The following PAAF1 variants were observed in gnomAD, a reference collection of about 807,000 sequenced individuals.
The protein encoded by PAAF1 is proteasomal ATPase-associated factor 1.
In PAAF1, 46 loss-of-function variants were observed where a neutral mutation model predicts 52.8. The observed-to-expected ratio is 0.87, with a 90% CI of 0.69 to 1.11. The LOEUF (loss-of-function observed/expected upper bound fraction) is 1.11, where lower values mean the gene tolerates loss of function less well. Among genes scored for constraint, PAAF1 ranks in the 50% most tolerant of loss-of-function variants. The pLI is 0.00. For synonymous variants in PAAF1, 178 were observed against 172.8 expected (o/e 1.03, Z -0.24); for missense variants, 424 against 477.4 (o/e 0.89, Z 1.04).
At chr11:73,889,412 A>G (rs1478923641) in intron 3 of PAAF1, among the ~76,000 whole-genome samples, 1 of 152,212 alleles carries the variant, frequency 6.6e-6, no homozygotes, top group East Asian at 1.9e-4. Flanking sequence ...TTAGTGCAGC[A>G]TACTCACACT....
intron 4 of PAAF1, among the ~76,000 whole-genome samples, chr11:73,898,811 TCAAACAAA>T (rs202208997): frequency 3.3e-5 from 5 of 151,856 alleles, no homozygotes; most frequent in Admixed American, 1.3e-4. Flanking sequence ...TGAAACTCTG[TCAAACAAA>T]CAAACAAACA....
At chr11:73,898,188 C>T (rs866805881) in intron 4 of PAAF1, among the ~76,000 whole-genome samples, 1 of 51,402 alleles carries the variant, frequency 1.9e-5, no homozygotes, top group Non-Finnish European at 3.6e-5. Context: ...AGAGGGAGAC[C>T]GTGGGGAGAG....
At chr11:73,912,031 CTT>C (rs373139313) in intron 7 of PAAF1, among the ~76,000 whole-genome samples, 2 of 149,938 alleles carry the variant, frequency 1.3e-5, no homozygotes, top group African/African-American at 2.5e-5. Context: ...CCTCAAAAAA[CTT>C]TTTTTTTTCA....
chr11:73,922,944 A>G (rs530899439), intron 10 of PAAF1, among the ~76,000 whole-genome samples: 1 of 152,342 alleles, frequency 6.6e-6, no homozygotes, highest in Non-Finnish European at 1.5e-5. Context: ...TTTTGATGCA[A>G]ATTGCCAAAC....
rs1950143892 is a variant in PAAF1 at position 73,919,041 on chromosome 11, A to G, written c.1018+9A>G. On this transcript the variant is annotated intron_variant, in intron 10 of 11. Transcript: ENST00000310571. ...ATTCATTGCTAGCCAAGGTGGGTCC[A>G]TGGGCCAATTGAGAGAGATGCTTCT... 6.2e-7 allele frequency: 1 copy of G among 1,606,168 alleles called. No individual in the cohort carries two copies. The highest frequency in any genetic ancestry group is 8.5e-7 in the Non-Finnish European group (1 of 1,174,846).
In PAAF1 at chr11:73,928,677, A is replaced by G. The variant is rs1950414189; in HGVS notation, c.*1315A>G. 1 of 152,154 alleles carries G rather than the reference A, an allele frequency of 6.6e-6. No homozygotes were observed. Among genetic ancestry groups the G allele is most frequent in the African/African-American group, 2.4e-5 (1 of 41,438 alleles). 9.4% of individuals were successfully genotyped at this position (152,154 alleles called of 1,614,324 possible). On this transcript the variant is annotated 3_prime_UTR_variant, in exon 12 of 12. Coordinates refer to ENST00000310571, the MANE Select transcript of PAAF1 (RefSeq NM_025155.3). ...GCAGATTAAGATTTTTATTTATTTA[A>G]CGGAGGAAGGTCATTTCTGGCTGGG... is the stretch of plus-strand genomic sequence containing the variant.
chr11:73,896,997 T>C (rs1591069841), intron 4 of PAAF1, among the ~76,000 whole-genome samples: 1 of 103,420 alleles, frequency 9.7e-6, no homozygotes, highest in African/African-American at 4.0e-5. Flanking sequence ...CCCACCTCCC[T>C]CCTGGACGGG....
intron 3 of PAAF1, 69 bp from the exon 4 acceptor site, chr11:73,891,043 T>A: frequency 1.1e-6 from 1 of 931,776 alleles, no homozygotes; most frequent in Non-Finnish European, 1.7e-6. Context: ...ATGTTTTCTT[T>A]AAGAGGCTTT....
At chr11:73,912,525 C>A (rs769609726) in intron 7 of PAAF1, among the ~76,000 whole-genome samples, 1 of 152,150 alleles carries the variant, frequency 6.6e-6, no homozygotes, top group Non-Finnish European at 1.5e-5. Flanking sequence ...CTCCCTCCCC[C>A]TCTCTCCCTT....
intron 4 of PAAF1, among the ~76,000 whole-genome samples, chr11:73,896,342 G>A (rs1339459581): frequency 6.6e-5 from 9 of 136,752 alleles, no homozygotes; most frequent in Non-Finnish European, 9.1e-5. Context: ...GGTGTTTCTC[G>A]CAGAGGGGGA....
chr11:73,900,721 G>A (rs1161704701), intron 6 of PAAF1, among the ~76,000 whole-genome samples: 1 of 152,006 alleles, frequency 6.6e-6, no homozygotes, highest in Non-Finnish European at 1.5e-5. Flanking sequence ...GGTGGCTCAC[G>A]CCTGTAATCC....
At position 73,929,101 on chromosome 11, in the gene PAAF1, A is replaced by C. The variant is rs1950421392; in HGVS notation, c.*1739A>C. On this transcript the variant is annotated 3_prime_UTR_variant, in exon 12 of 12. Transcript: ENST00000310571. ...GGTCTTGCTCTGTTGCCCAGGCTGG[A>C]ATGCGTTGGCATGATTACAGCTTCT... The C allele has an allele frequency of 6.6e-6, 1 of 151,704 alleles. No individual in the cohort carries two copies. The highest frequency in any genetic ancestry group is 2.1e-4 in the South Asian group (1 of 4,790). The allele number at this position is 151,704 out of a possible 1,614,324, so 9.4% of individuals were successfully genotyped here.
At position 73,877,066 on chromosome 11, in the gene PAAF1, C is replaced by A. The variant is rs1450792813; in HGVS notation, c.45C>A (p.Leu15=). The part of the protein sequence containing the change: ...LRIQSDWAQA[L]RKDEGEAWLS... ...TTCAGAGCGACTGGGCGCAAGCCCT[C>A]AGGTGAATCCAGGCCCAGAACAGAG... Residue 15 remains leucine (L), a splice_region_variant and synonymous_variant, in exon 1 of 12, where the codon CTC becomes CTA. Transcript: ENST00000310571. 5.1e-5 allele frequency: 78 copies of A among 1,536,466 alleles called. No homozygotes were observed. The highest frequency in any genetic ancestry group is 6.7e-5 in the Non-Finnish European group (76 of 1,139,310).
chr11:73,885,095 G>A (rs957158444), intron 2 of PAAF1, among the ~76,000 whole-genome samples: 4 of 150,688 alleles, frequency 2.7e-5, no homozygotes, highest in Non-Finnish European at 5.9e-5. Context: ...TCCTGACCTC[G>A]TGATCCACCC....
rs539185760 is a variant in PAAF1 at position 73,900,834 on chromosome 11, T to G, written c.532+414T>G. On this transcript the variant is annotated intron_variant, in intron 6 of 11. Transcript: ENST00000310571. ...CGTCTCTACTAAAAATACAAAAAAT[T>G]AGCCGGGCGTAGTGGCGGGCGCCTG... Among the ~76,000 whole-genome samples the G allele has an allele frequency of 2.0e-3, 296 of 151,534 alleles. 2 individuals carry two copies. The highest frequency in any genetic ancestry group is 6.9e-3 in the African/African-American group (287 of 41,338).
At chr11:73,884,581 G>T (rs1949008816) in intron 2 of PAAF1, among the ~76,000 whole-genome samples, 1 of 152,216 alleles carries the variant, frequency 6.6e-6, no homozygotes, top group African/African-American at 2.4e-5. Context: ...ATGAGGGCCA[G>T]ACTTCTTAAG....
Position 73,916,528 on chromosome 11 carries a change from C to T in PAAF1, c.820-17C>T. 6.4e-7 allele frequency: 1 copy of T among 1,551,906 alleles called. No homozygotes were observed. The highest frequency in any genetic ancestry group is 1.8e-5 in the Admixed American group (1 of 56,058). ...ATTAATCTTTAAACAGCATTTTTGC[C>T]TCCTACTTGTTCCCAGGTGTTCCTC... On this transcript the variant is annotated splice_polypyrimidine_tract_variant and intron_variant, in intron 8 of 11. Transcript: ENST00000310571.
At chr11:73,886,402 G>A (rs1315831501) in intron 2 of PAAF1, among the ~76,000 whole-genome samples, 2 of 151,950 alleles carry the variant, frequency 1.3e-5, no homozygotes, top group Admixed American at 1.3e-4. Context: ...CAGGCCAGGC[G>A]CGGTGGCTCA....
chr11:73,926,364 C>T (rs970923592), intron 11 of PAAF1, among the ~76,000 whole-genome samples: 44 of 152,206 alleles, frequency 2.9e-4, no homozygotes, highest in African/African-American at 9.4e-4. Context: ...TCCCAAAGTG[C>T]TCGGATTACA....
Sources: gnomAD v4.1 joint callset for allele counts (sites outside exome capture counted in the v4.1 genomes callset) on GRCh38, gnomAD v4.1.1 for gene constraint, MANE v1.5 for transcripts, NCBI Gene and HGNC (gene_info 2026-07-23, HGNC 2026-07-21) for gene names.